The following UGT1A10 variants were observed in gnomAD, a reference collection of about 807,000 sequenced individuals.
The protein encoded by UGT1A10 is UDP glucuronosyltransferase family 1 member A10, also known as UDP-glucuronosyltransferase 1A10.
Under a neutral mutation model 45.8 loss-of-function variants are expected in UGT1A10, and 49 were observed. That is an observed-to-expected ratio of 1.07 (90% confidence interval 0.85 to 1.36). UGT1A10 has a LOEUF of 1.36. UGT1A10 is among the 40% of genes most tolerant of loss of function. The probability of loss-of-function intolerance (pLI) is 0.00; values close to 1 mark genes in which losing one functional copy is unlikely to be tolerated. For synonymous variants in UGT1A10, 284 were observed against 249.7 expected (o/e 1.14, Z -1.29); for missense variants, 745 against 668.6 (o/e 1.11, Z -1.26).
chr2:233,688,665 G>C (rs1236438770), intron 1 of UGT1A10, among the ~76,000 whole-genome samples: 1 of 152,120 alleles, frequency 6.6e-6, no homozygotes, highest in Non-Finnish European at 1.5e-5. Flanking sequence ...CATGCAGCTG[G>C]CTCTTTTTTA....
chr2:233,767,002 A>C, intron 1 of UGT1A10, 32 bp from the exon 2 acceptor site: 2 of 1,613,784 alleles, frequency 1.2e-6, no homozygotes, highest in Non-Finnish European at 1.7e-6. Flanking sequence ...ATATGAGAAA[A>C]AATTAACTGA....
chr2:233,644,305 TG>T (rs769799058), intron 1 of UGT1A10, among the ~76,000 whole-genome samples: 1 of 152,160 alleles, frequency 6.6e-6, no homozygotes, highest in Non-Finnish European at 1.5e-5. Flanking sequence ...CGGTGGCTCA[TG>T]CCTGTAATCC....
intron 1 of UGT1A10, among the ~76,000 whole-genome samples, chr2:233,664,239 T>C (rs2074031771): frequency 6.6e-6 from 1 of 152,158 alleles, no homozygotes; most frequent in South Asian, 2.1e-4. Flanking sequence ...AACCAGTCTC[T>C]AAGAAGGTCC....
intron 1 of UGT1A10, among the ~76,000 whole-genome samples, chr2:233,709,420 GTCC>G (rs1443021141): frequency 6.6e-6 from 1 of 152,122 alleles, no homozygotes; most frequent in Non-Finnish European, 1.5e-5. Context: ...CAATAAGAAT[GTCC>G]TCCAGAAAGG....
rs567676971 is a variant in UGT1A10 at position 233,725,173 on chromosome 2, C to T, written c.856-41861C>T. 7.4e-5 allele frequency among the ~76,000 whole-genome samples: 7 copies of T among 94,254 alleles called. 2 individuals are homozygous for T. The highest frequency in any genetic ancestry group is 3.8e-4 in the African/African-American group (6 of 15,610). 61.8% of individuals were successfully genotyped at this position (94,254 alleles called of 152,430 possible). Reference sequence around the variant, plus strand: ...CTTCGGCTCTGCATGAGAGGGAGACCGTGGGGAGAGGCAGAGGCAGAGGCA... The same window carrying T: ...CTTCGGCTCTGCATGAGAGGGAGACTGTGGGGAGAGGCAGAGGCAGAGGCA... On this transcript the variant is annotated intron_variant, in intron 1 of 4. Transcript: ENST00000344644.
chr2:233,639,230 C>A (rs1484454803), intron 1 of UGT1A10, among the ~76,000 whole-genome samples: 1 of 152,044 alleles, frequency 6.6e-6, no homozygotes, highest in Non-Finnish European at 1.5e-5. Flanking sequence ...AAATGTGTTT[C>A]TATATCTATT....
At chr2:233,653,403 G>A (rs2073785298) in intron 1 of UGT1A10, among the ~76,000 whole-genome samples, 2 of 152,108 alleles carry the variant, frequency 1.3e-5, no homozygotes, top group Admixed American at 1.3e-4. Flanking sequence ...TATTCTTAAA[G>A]TAATAGGTTA....
chr2:233,663,854 A>G (rs2074022905), intron 1 of UGT1A10, among the ~76,000 whole-genome samples: 1 of 152,060 alleles, frequency 6.6e-6, no homozygotes, highest in Non-Finnish European at 1.5e-5. Flanking sequence ...TTCATTTGCA[A>G]CCACCATTCC....
chr2:233,723,945 C>G (rs1475718921), intron 1 of UGT1A10, among the ~76,000 whole-genome samples: 64 of 52,096 alleles, frequency 1.2e-3, no homozygotes, highest in Non-Finnish European at 1.5e-3. Flanking sequence ...TACACAGACA[C>G]GGCAACCATC....
At position 233,747,695 on chromosome 2, in the gene UGT1A10, G is replaced by A. The variant is rs569419089; in HGVS notation, c.856-19339G>A. The A allele has an allele frequency of 6.2e-4, 998 of 1,611,470 alleles. 13 individuals carry two copies. In the South Asian group the frequency reaches 7.6e-3, roughly 12 times the overall value. On this transcript the variant is annotated intron_variant, in intron 1 of 4. Coordinates refer to ENST00000344644, the MANE Select transcript of UGT1A10 (RefSeq NM_019075.4). ...CAATTTACCTCTGTGGGGCAGTGCTGGCTAAGTACCTATCAATTCCTGCTG... is the reference window on the plus strand; with the variant it reads ...CAATTTACCTCTGTGGGGCAGTGCTAGCTAAGTACCTATCAATTCCTGCTG...
intron 3 of UGT1A10, 35 bp downstream of exon 3, chr2:233,767,971 A>C (rs71537802): frequency 2.1e-4 from 336 of 1,614,092 alleles, no homozygotes; most frequent in Non-Finnish European, 2.7e-4. Context: ...AGGTCAAACC[A>C]GGGTCAAATT....
At chr2:233,767,707 G>A (rs571789905) in intron 2 of UGT1A10, 142 bp from the exon 3 acceptor site, 2 of 1,523,576 alleles carry the variant, frequency 1.3e-6, no homozygotes, top group Non-Finnish European at 1.8e-6. Context: ...CCAGTCCTCA[G>A]AAGCCTTCAC....
Position 233,769,443 on chromosome 2 carries a change from G to T in UGT1A10, c.1295+1004G>T. 1.3e-6 allele frequency: 2 copies of T among 1,564,916 alleles called. No homozygotes were observed. The highest frequency in any genetic ancestry group is 1.8e-6 in the Non-Finnish European group (2 of 1,139,736). On this transcript the variant is annotated intron_variant, in intron 4 of 4. Coordinates refer to ENST00000344644, the MANE Select transcript of UGT1A10 (RefSeq NM_019075.4). This position sits in a 1 kb window ranked among gnomAD's most constrained non-coding sequence, Gnocchi z 4.4. The stretch of plus-strand genomic sequence containing the variant: ...CATGTGGCTGTGCTCATGTGTGGGT[G>T]CACACGTGTGCATTCATATGCGTGT...
intron 1 of UGT1A10, among the ~76,000 whole-genome samples, chr2:233,687,383 A>G (rs2074837301): frequency 6.6e-6 from 1 of 152,114 alleles, no homozygotes; most frequent in African/African-American, 2.4e-5. Context: ...GAATTTGCAA[A>G]TTAAATATAA....
chr2:233,729,725 C>A (rs780989099), intron 1 of UGT1A10: 1 of 1,613,968 alleles, frequency 6.2e-7, no homozygotes, highest in East Asian at 2.2e-5. Flanking sequence ...TTACTAACAA[C>A]CAATTCAGAC....
chr2:233,668,184 TC>T (rs1273143636), intron 1 of UGT1A10, among the ~76,000 whole-genome samples: 3 of 152,156 alleles, frequency 2.0e-5, no homozygotes, highest in Non-Finnish European at 2.9e-5. Context: ...TAGGTATTTT[TC>T]CTAATGCTAT....
Position 233,729,530 on chromosome 2 carries a change from A to G in UGT1A10, c.856-37504A>G, listed in dbSNP as rs372837189. The G allele has an allele frequency of 5.6e-6, 9 of 1,614,100 alleles. No individual in the cohort carries two copies. Among genetic ancestry groups the G allele is most frequent in the African/African-American group, 1.3e-5 (1 of 74,922 alleles). On this transcript the variant is annotated intron_variant, in intron 1 of 4. Transcript: ENST00000344644. ...TCTTGTGTGGAGCTACTACATAATGAGGCCCTGATCAGGCACCTGAATGCT... is the reference window on the plus strand; with the variant it reads ...TCTTGTGTGGAGCTACTACATAATGGGGCCCTGATCAGGCACCTGAATGCT...
chr2:233,762,466 T>C (rs377017824), intron 1 of UGT1A10, among the ~76,000 whole-genome samples: 5 of 152,354 alleles, frequency 3.3e-5, no homozygotes, highest in African/African-American at 9.6e-5. Context: ...GATAATGTCA[T>C]GGATATCACT....
At chr2:233,747,272 T>G (rs1693606850) in intron 1 of UGT1A10, 7 of 1,598,964 alleles carry the variant, frequency 4.4e-6, no homozygotes, top group Non-Finnish European at 6.0e-6. Context: ...CTACTCCTTC[T>G]CAGTGCCCAG....
Sources: gnomAD v4.1 joint callset for allele counts (sites outside exome capture counted in the v4.1 genomes callset) on GRCh38, gnomAD v4.1.1 for gene constraint, Gnocchi (gnomAD v3.1) non-coding constraint, MANE v1.5 for transcripts, NCBI Gene and HGNC (gene_info 2026-07-23, HGNC 2026-07-21) for gene names.